Variants in ERBB3 observed in about 807,000 individuals in gnomAD.
ERBB3 encodes receptor tyrosine-protein kinase erbB-3.
Under a neutral mutation model 156.7 loss-of-function variants are expected in ERBB3, and 96 were observed. That is an observed-to-expected ratio of 0.61 (90% confidence interval 0.52 to 0.73). The LOEUF (loss-of-function observed/expected upper bound fraction) is 0.73, where lower values mean the gene tolerates loss of function less well. ERBB3 is among the 30% of genes least tolerant of loss of function. The probability of loss-of-function intolerance (pLI) is 0.00; values close to 1 mark genes in which losing one functional copy is unlikely to be tolerated. For missense variants in ERBB3, 1,406 were observed against 1,709.4 expected (o/e 0.82, Z 3.13); for synonymous variants, 567 against 632.0 (o/e 0.90, Z 1.54).
At chr12:56,097,984 A>G in intron 21 of ERBB3, 44 bp downstream of exon 21, 1 of 1,602,994 alleles carries the variant, frequency 6.2e-7, no homozygotes, top group Non-Finnish European at 8.5e-7. Flanking sequence ...GGAGTGAAGC[A>G]TGGGGATAGG....
At position 56,102,035 on chromosome 12, in the gene ERBB3, G is replaced by A. The variant is rs755855285; in HGVS notation, c.4009G>A (p.Ala1337Thr). ...DYWHSRLFPK[A>T]NAQRT is the part of the protein sequence containing the mutation. Reference sequence around the variant, plus strand: ...CTGGCATAGCAGGCTTTTCCCCAAGGCTAATGCCCAGAGAACGTAACTCCT... The same window carrying A: ...CTGGCATAGCAGGCTTTTCCCCAAGACTAATGCCCAGAGAACGTAACTCCT... The change falls in exon 28 of 28, where the codon GCT becomes ACT. Residue 1337 changes from alanine (A) to threonine (T), a missense_variant. Ala to Thr is a moderately conservative substitution (Grantham distance 58, BLOSUM62 0). This residue lies in a region of ERBB3 where 415 missense variants were observed against 454.1 expected (regional missense o/e 0.91). Transcript: ENST00000267101. The A allele has an allele frequency of 8.2e-5, 132 of 1,610,528 alleles. No homozygotes were observed. The highest frequency in any genetic ancestry group is 1.0e-4 in the Non-Finnish European group (120 of 1,179,956).
chr12:56,085,381 A>G, intron 3 of ERBB3, 200 bp downstream of exon 3: 1 of 1,450,144 alleles, frequency 6.9e-7, no homozygotes, highest in Non-Finnish European at 9.1e-7. Flanking sequence ...CTCCAGGGAA[A>G]GGAACCCTGT....
At chr12:56,085,300 G>A (rs750476308) in intron 3 of ERBB3, 119 bp downstream of exon 3, 1 of 1,586,178 alleles carries the variant, frequency 6.3e-7, no homozygotes, top group African/African-American at 1.3e-5. Context: ...CTGTCACCTT[G>A]GCCGCTGTCT....
chr12:56,093,248 G>C (rs1284511531), intron 11 of ERBB3, 97 bp from the exon 12 acceptor site: 4 of 1,242,584 alleles, frequency 3.2e-6, no homozygotes, highest in Non-Finnish European at 4.7e-6. Flanking sequence ...CAGTGGATCT[G>C]ACTAGCACTG....
Position 56,095,111 on chromosome 12 carries a change from A to T in ERBB3, c.1860-146A>T. On this transcript the variant is annotated intron_variant, in intron 15 of 27. Transcript: ENST00000267101. ...GGCTTGGGGAGAGCTAGTGAGCTGGAGGTGGAGGCCATGTCTTGGGATCAG... is the reference window on the plus strand; with the variant it reads ...GGCTTGGGGAGAGCTAGTGAGCTGGTGGTGGAGGCCATGTCTTGGGATCAG... 4.2e-6 allele frequency: 3 copies of T among 706,860 alleles called. No homozygotes were observed. In the South Asian group the frequency reaches 4.5e-5, roughly 11 times the overall value. 43.8% of individuals were successfully genotyped at this position (706,860 alleles called of 1,614,324 possible). A position where few individuals can be genotyped will look rare whatever the true frequency, so the allele number is the denominator to read the frequency against.
intron 1 of ERBB3, among the ~76,000 whole-genome samples, chr12:56,082,210 C>T (rs929239750): frequency 1.3e-5 from 2 of 152,158 alleles, no homozygotes; most frequent in Non-Finnish European, 2.9e-5. Context: ...CCAATGTGTA[C>T]GTGTTCGTGT....
chr12:56,097,461 G>A (rs899088556), intron 20 of ERBB3, among the ~76,000 whole-genome samples: 2 of 152,130 alleles, frequency 1.3e-5, no homozygotes, highest in African/African-American at 4.8e-5. Flanking sequence ...ATTACCGCCC[G>A]AGTTCCGCCT....
At chr12:56,082,422 C>G (rs1868363722) in intron 1 of ERBB3, among the ~76,000 whole-genome samples, 1 of 152,134 alleles carries the variant, frequency 6.6e-6, no homozygotes, top group Non-Finnish European at 1.5e-5. Flanking sequence ...CCTGGAGTTC[C>G]CAGCTCCTCT....
At chr12:56,081,122 C>T (rs1868348488) in intron 1 of ERBB3, among the ~76,000 whole-genome samples, 1 of 152,216 alleles carries the variant, frequency 6.6e-6, no homozygotes, top group South Asian at 2.1e-4. Flanking sequence ...GGATGTCCAG[C>T]CTCTGGTCTT....
intron 15 of ERBB3, 80 bp from the exon 16 acceptor site, chr12:56,095,177 C>A: frequency 8.8e-7 from 1 of 1,131,780 alleles, no homozygotes; most frequent in Non-Finnish European, 1.4e-6. Context: ...AGTTCTGAAA[C>A]AAGCTTTTAT....
At position 56,098,739 on chromosome 12, in the gene ERBB3, T is replaced by G. The variant is rs2136822076; in HGVS notation, c.2693-20T>G. On this transcript the variant is annotated intron_variant, in intron 22 of 27. Coordinates refer to ENST00000267101, the MANE Select transcript of ERBB3 (RefSeq NM_001982.4). ...TGTCTACTATTTTGCCAGTGACTAG[T>G]CCATGTCTTCCTGCAACAGGTGTGA... The G allele has an allele frequency of 6.2e-7, 1 of 1,614,104 alleles. No homozygotes were observed. Among genetic ancestry groups the G allele is most frequent in the Non-Finnish European group, 8.5e-7 (1 of 1,179,924 alleles).
At chr12:56,097,587 G>A (rs1022434636) in intron 20 of ERBB3, among the ~76,000 whole-genome samples, 198 bp from the exon 21 acceptor site, 1 of 152,078 alleles carries the variant, frequency 6.6e-6, no homozygotes, top group Admixed American at 6.5e-5. Context: ...AATGCCTGAT[G>A]ATCTGAGGTG....
In ERBB3 at chr12:56,092,735, T is replaced by G; in HGVS notation, c.1110-12T>G. 2.5e-6 allele frequency: 4 copies of G among 1,606,678 alleles called. No individual in the cohort carries two copies. Among genetic ancestry groups the G allele is most frequent in the Non-Finnish European group, 3.4e-6 (4 of 1,173,176 alleles). The stretch of plus-strand genomic sequence containing the variant: ...CTTTACCTTATTGACTGGTTTCTAC[T>G]GTTCTATTCAGAGACCCCTGGCACA... On this transcript the variant is annotated splice_polypyrimidine_tract_variant and intron_variant, in intron 9 of 27. Transcript: ENST00000267101.
intron 1 of ERBB3, among the ~76,000 whole-genome samples, chr12:56,080,716 G>A (rs1171339046): frequency 3.3e-5 from 5 of 152,212 alleles, no homozygotes. Context: ...GTAAACAGGA[G>A]GTGCTTGGAG....
At chr12:56,095,152 T>C in intron 15 of ERBB3, 105 bp from the exon 16 acceptor site, 1 of 870,074 alleles carries the variant, frequency 1.1e-6, no homozygotes. Context: ...GGCTCCAGGA[T>C]GGGATGCCAC....
intron 23 of ERBB3, 50 bp downstream of exon 23, chr12:56,098,955 CTT>C (rs372817506): frequency 0.016 from 19,279 of 1,204,452 alleles, no homozygotes; most frequent in Non-Finnish European, 0.018. Context: ...CTTTTTTTTT[CTT>C]TTTTTTTTTT....
In ERBB3 at chr12:56,085,154, C is replaced by T. The variant is rs569206705; in HGVS notation, c.394C>T (p.Arg132Cys). ...NYNTNSSHAL[R>C]QLRLTQLTEI... is the part of the protein sequence containing the mutation. ...TAACACCAACTCCAGCCACGCTCTG[C>T]GCCAGCTCCGCTTGACTCAGCTCAC... The change falls in exon 3 of 28, where the codon CGC becomes TGC. Residue 132 changes from arginine (R) to cysteine (C), a missense_variant. Physicochemically the swap from Arg to Cys is radical, Grantham distance 180. Around this residue, in one of 3 missense-constraint regions of ERBB3, gnomAD observed 979 missense variants for 1,219.6 expected, o/e 0.80. Coordinates refer to ENST00000267101, the MANE Select transcript of ERBB3 (RefSeq NM_001982.4). 85 of 1,614,108 alleles carry T rather than the reference C, an allele frequency of 5.3e-5. 2 individuals are homozygous for T. In the South Asian group the frequency reaches 6.9e-4, roughly 13 times the overall value.
intron 3 of ERBB3, chr12:56,085,382 G>C (rs1450653291): frequency 6.9e-7 from 1 of 1,449,276 alleles, no homozygotes; most frequent in African/African-American, 1.4e-5. Flanking sequence ...TCCAGGGAAA[G>C]GAACCCTGTG....
chr12:56,089,688 T>G (rs1336695658), intron 9 of ERBB3, among the ~76,000 whole-genome samples: 1 of 151,044 alleles, frequency 6.6e-6, no homozygotes, highest in East Asian at 2.0e-4. Context: ...GAAATTGCAG[T>G]GAACCGAGAT....
Sources: allele counts gnomAD v4.1 joint callset (sites outside exome capture counted in the v4.1 genomes callset), GRCh38; gene constraint gnomAD v4.1.1; regional missense constraint gnomAD v4.1.1; transcripts MANE v1.5; gene names NCBI Gene and HGNC (gene_info 2026-07-23, HGNC 2026-07-21).